Variants in TBK1 observed in about 807,000 individuals in gnomAD.
TBK1 encodes the protein serine/threonine-protein kinase TBK1.
In TBK1, 37 loss-of-function variants were observed where a neutral mutation model predicts 99.9. The ratio of observed to expected loss-of-function variants is 0.37; its 90% CI spans 0.28 to 0.49. The LOEUF (loss-of-function observed/expected upper bound fraction) is 0.49. Among genes scored for constraint, TBK1 ranks in the 20% least tolerant of loss-of-function variants. The pLI is 0.98. For missense variants in TBK1, 644 were observed against 872.5 expected, an observed-to-expected ratio of 0.74 and a Z score of 3.30; for synonymous variants, 258 against 279.8, an observed-to-expected ratio of 0.92 and a Z score of 0.78.
intron 13 of TBK1, among the ~76,000 whole-genome samples, chr12:64,494,306 AAAAAAAAG>A (rs1158109597): frequency 1.2e-4 from 17 of 139,444 alleles, no homozygotes; most frequent in Admixed American, 7.3e-5. Context: ...CTACCAAAAA[AAAAAAAAG>A]AAAAAAAAGA....
At chr12:64,463,715 A>T (rs2040573355) in intron 3 of TBK1, among the ~76,000 whole-genome samples, 1 of 142,640 alleles carries the variant, frequency 7.0e-6, no homozygotes, top group South Asian at 2.3e-4. Flanking sequence ...AAAAAAAAAG[A>T]AAGGAATTTA....
intron 5 of TBK1, 58 bp downstream of exon 5, chr12:64,467,140 A>G (rs2040614379): frequency 1.2e-5 from 16 of 1,311,754 alleles, no homozygotes; most frequent in Admixed American, 2.5e-5. Flanking sequence ...TGTAATTATA[A>G]TTGGGTAATT....
At chr12:64,473,508 G>A (rs1282468006) in intron 5 of TBK1, among the ~76,000 whole-genome samples, 1 of 152,168 alleles carries the variant, frequency 6.6e-6, no homozygotes, top group Non-Finnish European at 1.5e-5. Flanking sequence ...TTAAATAAGT[G>A]GGATAATTAC....
intron 6 of TBK1, among the ~76,000 whole-genome samples, chr12:64,476,915 G>A (rs150129375): frequency 3.9e-5 from 6 of 152,160 alleles, no homozygotes; most frequent in Admixed American, 6.5e-5. Flanking sequence ...ACCATTTTTC[G>A]AATAGGGTAT....
In TBK1 at chr12:64,484,544, A is replaced by T. The variant is rs750301863; in HGVS notation, c.1189+45A>T. On this transcript the variant is annotated intron_variant, in intron 9 of 20. Coordinates refer to ENST00000331710, the MANE Select transcript of TBK1 (RefSeq NM_013254.4). ...GTCGTTCTTACTAGCCATTAGAAAA[A>T]TACAGCCAGCCTGGGCAACATAGTG... The T allele has an allele frequency of 2.6e-6, 4 of 1,552,996 alleles. No individual in the cohort carries two copies. The Admixed American group carries it at 8.0e-5, about 31-fold the overall frequency.
At chr12:64,462,347 G>A (rs1312069368) in intron 3 of TBK1, among the ~76,000 whole-genome samples, 1 of 152,068 alleles carries the variant, frequency 6.6e-6, no homozygotes, top group African/African-American at 2.4e-5. Flanking sequence ...AATCTTCTTG[G>A]AACACCTTAT....
Position 64,485,505 on chromosome 12 carries a change from A to G in TBK1, c.1240A>G (p.Met414Val). The G allele has an allele frequency of 6.5e-7, 1 of 1,543,580 alleles. No homozygotes were observed. ...TTATGATTTAGACGGGGATGCTAGC[A>G]TGGCTAAGGTTAGTATTTAATTTAA... ...PRYDLDGDAS[M>V]AKAITGVVCY... Residue 414 changes from methionine (M) to valine (V), a missense_variant, in exon 10 of 21, where the codon ATG (methionine) becomes GTG (valine). Around this residue, in one of 3 missense-constraint regions of TBK1, gnomAD observed 465 missense variants for 588.0 expected, o/e 0.79. Transcript: ENST00000331710.
At chr12:64,476,438 G>C (rs1295155826) in intron 6 of TBK1, among the ~76,000 whole-genome samples, 2 of 151,956 alleles carry the variant, frequency 1.3e-5, no homozygotes, top group African/African-American at 4.8e-5. Context: ...GATCACAAGT[G>C]TGAGCCACCA....
At chr12:64,491,155 G>C (rs1565822633) in intron 13 of TBK1, among the ~76,000 whole-genome samples, 1 of 152,044 alleles carries the variant, frequency 6.6e-6, no homozygotes, top group Non-Finnish European at 1.5e-5. Flanking sequence ...TAATCAGTGA[G>C]AGCTGATTAC....
chr12:64,468,404 TTG>T (rs1440929484), intron 5 of TBK1, among the ~76,000 whole-genome samples: 2 of 151,830 alleles, frequency 1.3e-5, no homozygotes, highest in Non-Finnish European at 2.9e-5. Flanking sequence ...TGAGGCAGAA[TTG>T]TCTGAACCTG....
Position 64,455,901 on chromosome 12 carries a change from T to C in TBK1, c.31T>C (p.Leu11=). Residue 11 remains leucine (L), a synonymous_variant, in exon 2 of 21, where the codon TTA becomes CTA. Transcript: ENST00000331710. ...GAGCACTTCTAATCATCTGTGGCTT[T>C]TATCTGATATTTTAGGCCAAGGAGC... MQSTSNHLWL[L]SDILGQGATA... is the part of the protein sequence containing the mutation. The C allele has an allele frequency of 6.2e-7, 1 of 1,613,996 alleles. No individual in the cohort carries two copies. The highest frequency in any genetic ancestry group is 8.5e-7 in the Non-Finnish European group (1 of 1,179,958).
chr12:64,462,717 A>T (rs1237011171), intron 3 of TBK1, among the ~76,000 whole-genome samples: 1 of 152,192 alleles, frequency 6.6e-6, no homozygotes, highest in Non-Finnish European at 1.5e-5. Flanking sequence ...AAGGATAAAA[A>T]GTTGGAGATG....
At chr12:64,489,618 G>T (rs2040849382) in intron 12 of TBK1, among the ~76,000 whole-genome samples, 1 of 150,304 alleles carries the variant, frequency 6.7e-6, no homozygotes, top group African/African-American at 2.4e-5. Flanking sequence ...ATCTAGGCTG[G>T]AGTGCAGTGA....
chr12:64,481,564 A>C (rs905090340), intron 7 of TBK1, among the ~76,000 whole-genome samples: 2 of 152,192 alleles, frequency 1.3e-5, no homozygotes, highest in Non-Finnish European at 2.9e-5. Flanking sequence ...ACTGCAATGC[A>C]TAAAGCATCT....
intron 6 of TBK1, among the ~76,000 whole-genome samples, chr12:64,475,727 A>G (rs2040704934): frequency 6.6e-6 from 1 of 152,178 alleles, no homozygotes; most frequent in Admixed American, 6.5e-5. Context: ...AGTATTCTAC[A>G]GTGTATGTGT....
At chr12:64,482,931 G>A (rs1049322522) in intron 8 of TBK1, among the ~76,000 whole-genome samples, 1 of 152,224 alleles carries the variant, frequency 6.6e-6, no homozygotes, top group African/African-American at 2.4e-5. Context: ...ATTTGAGTAA[G>A]TTGGGTGTAT....
chr12:64,474,235 T>A lies in TBK1; in HGVS notation c.546T>A (p.Pro182=). The A allele has an allele frequency of 1.9e-6, 3 of 1,610,922 alleles. No individual in the cohort carries two copies. Among genetic ancestry groups the A allele is most frequent in the Non-Finnish European group, 2.5e-6 (3 of 1,179,046 alleles). ...TCTTTTTTTTTTAATCTTAGCACCC[T>A]GATATGTATGAGAGAGCAGTGCTAA... ...SLYGTEEYLH[P]DMYERAVLRK... The change falls in exon 6 of 21, where the codon CCT becomes CCA. Residue 182 remains proline, a synonymous_variant. Transcript: ENST00000331710.
At chr12:64,483,797 A>G (rs2040790824) in intron 8 of TBK1, among the ~76,000 whole-genome samples, 1 of 152,212 alleles carries the variant, frequency 6.6e-6, no homozygotes, top group South Asian at 2.1e-4. Context: ...ACTTGAGGCC[A>G]GGAGTTCGAA....
chr12:64,485,885 C>G (rs2040815851), intron 10 of TBK1, 41 bp from the exon 11 acceptor site: 1 of 1,441,180 alleles, frequency 6.9e-7, no homozygotes, highest in Non-Finnish European at 9.4e-7. Context: ...TACCCTATAC[C>G]ACAATTAGCA....
Sources: allele counts gnomAD v4.1 joint callset (sites outside exome capture counted in the v4.1 genomes callset), GRCh38; gene constraint gnomAD v4.1.1; regional missense constraint gnomAD v4.1.1; transcripts MANE v1.5; gene names NCBI Gene and HGNC (gene_info 2026-07-23, HGNC 2026-07-21).